Variants in ADAMTS6 observed in about 807,000 individuals in gnomAD.
ADAMTS6 encodes ADAM metallopeptidase with thrombospondin type 1 motif 6, also known as A disintegrin and metalloproteinase with thrombospondin motifs 6.
A neutral mutation model predicts 144.3 loss-of-function variants in ADAMTS6; 23 were observed. The ratio of observed to expected loss-of-function variants is 0.16; its 90% CI spans 0.11 to 0.23. ADAMTS6 has a LOEUF of 0.23. Among genes scored for constraint, ADAMTS6 ranks in the 10% least tolerant of loss-of-function variants. ADAMTS6 has a pLI of 1.00. For synonymous variants in ADAMTS6, 444 were observed against 457.5 expected (o/e 0.97, Z 0.38); for missense variants, 999 against 1,379.6 (o/e 0.72, Z 4.37).
At chr5:65,439,568 C>T (rs764754872) in intron 7 of ADAMTS6, among the ~76,000 whole-genome samples, 16 of 151,670 alleles carry the variant, frequency 1.1e-4, no homozygotes, top group South Asian at 2.1e-4. Context: ...CAAAGTCAAG[C>T]GAAAGAAAGG....
intron 7 of ADAMTS6, among the ~76,000 whole-genome samples, chr5:65,375,133 G>A (rs867756557): frequency 2.6e-4 from 39 of 152,262 alleles, no homozygotes; most frequent in Non-Finnish European, 4.6e-4. Context: ...AGATTTAAAC[G>A]TTAGACCTAA....
intron 20 of ADAMTS6, chr5:65,210,541 G>A (rs1756451440): frequency 4.2e-6 from 2 of 473,630 alleles, no homozygotes. Flanking sequence ...TCAACCAGGT[G>A]TCTTTATCTG....
At chr5:65,236,642 A>G (rs535334608) in intron 15 of ADAMTS6, among the ~76,000 whole-genome samples, 1 of 152,310 alleles carries the variant, frequency 6.6e-6, no homozygotes, top group Non-Finnish European at 1.5e-5. Context: ...AATTCTAGAA[A>G]ATTTCAAATA....
intron 13 of ADAMTS6, 129 bp from the exon 14 acceptor site, chr5:65,260,792 TTAAAG>T (rs1761133063): frequency 5.0e-6 from 3 of 605,480 alleles, no homozygotes; most frequent in Non-Finnish European, 8.3e-6. Context: ...GTTTTAATTA[TTAAAG>T]TAATCATGCT....
At chr5:65,319,694 GGA>G (rs1745361517) in intron 9 of ADAMTS6, among the ~76,000 whole-genome samples, 1 of 86,732 alleles carries the variant, frequency 1.2e-5, no homozygotes, top group Non-Finnish European at 2.2e-5. Context: ...AGGGAAGGAA[GGA>G]AGGGAGGGAG....
At chr5:65,403,795 T>A (rs554955031) in intron 7 of ADAMTS6, among the ~76,000 whole-genome samples, 20 of 152,240 alleles carry the variant, frequency 1.3e-4, no homozygotes, top group East Asian at 1.2e-3. Flanking sequence ...GACTCCATTA[T>A]CTTCATGGAT....
At chr5:65,200,189 G>A (rs1755642262) in intron 20 of ADAMTS6, among the ~76,000 whole-genome samples, 1 of 151,998 alleles carries the variant, frequency 6.6e-6, no homozygotes, top group African/African-American at 2.4e-5. Context: ...CCCACACTTG[G>A]CAGGTTTACA....
intron 7 of ADAMTS6, among the ~76,000 whole-genome samples, chr5:65,426,863 GAT>G (rs1756578619): frequency 6.6e-6 from 1 of 152,036 alleles, no homozygotes; most frequent in Non-Finnish European, 1.5e-5. Context: ...ATTGATGAAA[GAT>G]ATGAGCCCAC....
At chr5:65,422,279 C>G (rs1215511331) in intron 7 of ADAMTS6, among the ~76,000 whole-genome samples, 10 of 152,318 alleles carry the variant, frequency 6.6e-5, no homozygotes, top group African/African-American at 2.4e-4. Context: ...TTTACCCCAG[C>G]CAGAATGGCC....
chr5:65,170,575 G>A, intron 24 of ADAMTS6, 42 bp downstream of exon 24: 1 of 1,604,492 alleles, frequency 6.2e-7, no homozygotes, highest in Non-Finnish European at 8.5e-7. Flanking sequence ...AGTAAAGGTG[G>A]GTCATTAGAA....
chr5:65,355,837 A>G (rs1580475178), intron 7 of ADAMTS6, among the ~76,000 whole-genome samples: 2 of 151,884 alleles, frequency 1.3e-5, no homozygotes, highest in African/African-American at 4.8e-5. Flanking sequence ...AACTAATAAT[A>G]CACACTCTTC....
intron 7 of ADAMTS6, among the ~76,000 whole-genome samples, chr5:65,424,237 G>A (rs1200887984): frequency 1.3e-5 from 2 of 152,116 alleles, no homozygotes; most frequent in Non-Finnish European, 2.9e-5. Context: ...ATCATGAAAA[G>A]AGAACAAATC....
intron 7 of ADAMTS6, among the ~76,000 whole-genome samples, chr5:65,444,337 G>C (rs1758101716): frequency 6.6e-6 from 1 of 152,190 alleles, no homozygotes; most frequent in African/African-American, 2.4e-5. Context: ...TTGCTCTCCA[G>C]CTTGGGAGAC....
At chr5:65,391,373 G>A (rs1242174912) in intron 7 of ADAMTS6, among the ~76,000 whole-genome samples, 1 of 151,646 alleles carries the variant, frequency 6.6e-6, no homozygotes, top group African/African-American at 2.4e-5. Flanking sequence ...TATTGATACT[G>A]CTAACATTTG....
chr5:65,186,135 T>C lies in ADAMTS6; in HGVS notation c.2910+1881A>G, dbSNP rs116596900. ...ATTATCCACTCTTTGTGTTTCTGTT[T>C]AGCCATTTCTCTTTTCAGGCATCCT... On this transcript the variant is annotated intron_variant, in intron 22 of 24. Transcript: ENST00000381055. 5.2e-3 allele frequency among the ~76,000 whole-genome samples: 792 copies of C among 152,258 alleles called. 7 individuals are homozygous for C. Among genetic ancestry groups the C allele is most frequent in the African/African-American group, 0.018 (756 of 41,552 alleles).
intron 7 of ADAMTS6, among the ~76,000 whole-genome samples, chr5:65,379,855 T>C (rs1415366053): frequency 1.3e-5 from 2 of 152,016 alleles, no homozygotes; most frequent in Non-Finnish European, 2.9e-5. Flanking sequence ...TAAATAATTA[T>C]ATATGGACAA....
intron 11 of ADAMTS6, among the ~76,000 whole-genome samples, chr5:65,290,606 A>AT (rs934918248): frequency 1.3e-5 from 2 of 152,222 alleles, no homozygotes; most frequent in South Asian, 2.1e-4. Context: ...TTAAATCTGA[A>AT]TTTTTTTGGT....
chr5:65,224,293 G>T, intron 18 of ADAMTS6, 27 bp downstream of exon 18: 1 of 1,594,618 alleles, frequency 6.3e-7, no homozygotes. Context: ...TTAAAATCCA[G>T]CAAACTAGCA....
At chr5:65,323,416 C>T (rs1458499755) in intron 9 of ADAMTS6, among the ~76,000 whole-genome samples, 1 of 151,780 alleles carries the variant, frequency 6.6e-6, no homozygotes, top group Admixed American at 6.6e-5. Flanking sequence ...TGGTTTCCAG[C>T]TTCATCCATG....
Sources: gnomAD v4.1 joint callset for allele counts (sites outside exome capture counted in the v4.1 genomes callset) on GRCh38, gnomAD v4.1.1 for gene constraint, MANE v1.5 for transcripts, NCBI Gene and HGNC (gene_info 2026-07-23, HGNC 2026-07-21) for gene names.